Variants in GEN1 observed in about 807,000 individuals in gnomAD.
GEN1 encodes the protein GEN1 structure-specific endonuclease, also known as flap endonuclease GEN homolog 1.
Under a neutral mutation model 67.6 loss-of-function variants are expected in GEN1, and 64 were observed. The ratio of observed to expected loss-of-function variants is 0.95; its 90% CI spans 0.77 to 1.17. GEN1 has a LOEUF of 1.17. Among genes scored for constraint, GEN1 ranks in the 50% most tolerant of loss-of-function variants. The pLI is 0.00. For missense variants in GEN1, 1,058 were observed against 1,048.3 expected, an observed-to-expected ratio of 1.01 and a Z score of -0.13; for synonymous variants, 371 against 359.4, an observed-to-expected ratio of 1.03 and a Z score of -0.37.
chr2:17,779,867 G>T, intron 12 of GEN1, 111 bp from the exon 13 acceptor site: 1 of 759,208 alleles, frequency 1.3e-6, no homozygotes. Context: ...TGATCCGCCC[G>T]CCTTGGCCTC....
intron 1 of GEN1, among the ~76,000 whole-genome samples, chr2:17,758,974 C>G (rs1245431568): frequency 6.6e-6 from 1 of 152,178 alleles, no homozygotes; most frequent in Non-Finnish European, 1.5e-5. Flanking sequence ...TCTTTGCACC[C>G]ATGGGCAATT....
At position 17,785,826 on chromosome 2, in the gene GEN1, AG is replaced by A. The variant is rs1331352473; in HGVS notation, c.*3888del. 1 of 152,360 alleles carries A rather than the reference AG, an allele frequency of 6.6e-6. No homozygotes were observed. The highest frequency in any genetic ancestry group is 1.5e-5 in the Non-Finnish European group (1 of 68,132). 9.4% of individuals were successfully genotyped at this position (152,360 alleles called of 1,614,324 possible). A position where few individuals can be genotyped will look rare whatever the true frequency, so the allele number is the denominator to read the frequency against. ...GGAGAATCGCTTGAACCTGGGAGGCAGAGGTTGCAGTGAGCTGAGATAGTGC... is the reference window on the plus strand; with the variant it reads ...GGAGAATCGCTTGAACCTGGGAGGCAAGGTTGCAGTGAGCTGAGATAGTGC... On this transcript the variant is annotated 3_prime_UTR_variant, in exon 14 of 14. Transcript: ENST00000381254.
At chr2:17,775,559 A>G (rs1302581376) in intron 11 of GEN1, among the ~76,000 whole-genome samples, 3 of 152,224 alleles carry the variant, frequency 2.0e-5, no homozygotes, top group African/African-American at 7.2e-5. Context: ...GATAAAAGGA[A>G]TATTTTAAAA....
chr2:17,754,682 C>T (rs114598960), intron 1 of GEN1: 1 of 152,322 alleles, frequency 6.6e-6, no homozygotes, highest in Non-Finnish European at 1.5e-5. Context: ...CGGGAGAGCC[C>T]TCCCTGGTCC....
Position 17,768,645 on chromosome 2 carries a change from C to A in GEN1, c.637-93C>A, listed in dbSNP as rs1439469133. On this transcript the variant is annotated intron_variant, in intron 5 of 13. Coordinates refer to ENST00000381254, the MANE Select transcript of GEN1 (RefSeq NM_001130009.3). The stretch of plus-strand genomic sequence containing the variant: ...ATCTTTATTGAAGAGTTACCTCATT[C>A]TTTCAGCTGCTGACTCTTCCGTTCA... The A allele has an allele frequency of 4.5e-6, 4 of 894,294 alleles. No homozygotes were observed. The East Asian group carries it at 7.4e-5, about 17-fold the overall frequency. The allele number at this position is 894,294 out of a possible 1,614,324, so 55.4% of individuals were successfully genotyped here. A position where few individuals can be genotyped will look rare whatever the true frequency, so the allele number is the denominator to read the frequency against.
At chr2:17,768,864 T>C in intron 6 of GEN1, 53 bp downstream of exon 6, 1 of 1,142,952 alleles carries the variant, frequency 8.7e-7, no homozygotes, top group South Asian at 1.3e-5. Flanking sequence ...CTTGCTGAAC[T>C]TAATAACGAA....
At chr2:17,773,483 A>G (rs985352879) in intron 10 of GEN1, among the ~76,000 whole-genome samples, 184 bp downstream of exon 10, 3 of 152,108 alleles carry the variant, frequency 2.0e-5, no homozygotes, top group African/African-American at 7.2e-5. Context: ...ACTATAAGAC[A>G]AAGTATAGTT....
Position 17,766,587 on chromosome 2 carries a change from T to A in GEN1, c.534T>A (p.His178Gln), listed in dbSNP as rs769568929. 6 of 1,572,732 alleles carry A rather than the reference T, an allele frequency of 3.8e-6. No homozygotes were observed. The South Asian group carries it at 5.7e-5, about 15-fold the overall frequency. The change falls in exon 5 of 14, where the codon CAT (histidine) becomes CAA (glutamine). Residue 178 changes from histidine (H) to glutamine (Q), a missense_variant. Physicochemically the swap from His to Gln is conservative, Grantham distance 24 (BLOSUM62 0). Coordinates refer to ENST00000381254, the MANE Select transcript of GEN1 (RefSeq NM_001130009.3). ...RNFTMNTKDP[H>Q]VDCYTMSSIK... ...ATCTGTTCTTTCTTTAGGACCCACA[T>A]GTTGACTGTTACACAATGTCATCTA...
intron 1 of GEN1, among the ~76,000 whole-genome samples, chr2:17,758,570 G>A (rs1671530293): frequency 6.6e-6 from 1 of 152,198 alleles, no homozygotes; most frequent in African/African-American, 2.4e-5. Flanking sequence ...ATGTGAAATA[G>A]ACAATATTCT....
At position 17,772,804 on chromosome 2, in the gene GEN1, C is replaced by T. The variant is rs1343238164; in HGVS notation, c.953+20C>T. Reference sequence around the variant, plus strand: ...TAAGAAGTAAGTTTTTTTAAAAACTCATGATTTTTCCTGGCATGACCTATA... The same window carrying T: ...TAAGAAGTAAGTTTTTTTAAAAACTTATGATTTTTCCTGGCATGACCTATA... On this transcript the variant is annotated intron_variant, in intron 8 of 13. Transcript: ENST00000381254. 6.3e-6 allele frequency: 10 copies of T among 1,582,346 alleles called. No individual in the cohort carries two copies. Among genetic ancestry groups the T allele is most frequent in the South Asian group, 1.1e-5 (1 of 88,362 alleles).
chr2:17,779,118 T>C (rs1332125117), intron 12 of GEN1, among the ~76,000 whole-genome samples: 1 of 152,176 alleles, frequency 6.6e-6, no homozygotes, highest in Non-Finnish European at 1.5e-5. Flanking sequence ...AGATGGAGTT[T>C]CGTTATTTTG....
chr2:17,771,784 G>A (rs1413334559), intron 7 of GEN1, among the ~76,000 whole-genome samples: 4 of 104,108 alleles, frequency 3.8e-5, no homozygotes, highest in Admixed American at 2.4e-4. Flanking sequence ...CATTAGTCTT[G>A]GTTTAAAAAA....
Position 17,781,470 on chromosome 2 carries a change from C to A in GEN1, c.2258C>A (p.Ser753Tyr). The change falls in exon 14 of 14, where the codon TCT becomes TAT. Residue 753 changes from serine (S) to tyrosine (Y), a missense_variant. Ser to Tyr is a moderately radical substitution (Grantham distance 144). Transcript: ENST00000381254. The stretch of plus-strand genomic sequence containing the variant: ...CAAGAAGACTATAAAGTCAATACTT[C>A]TGTCCCTTATTCTGTCAGTAACACA... ...LLQEDYKVNTSVPYSVSNTVV... is the reference protein window; with the variant it reads ...LLQEDYKVNTYVPYSVSNTVV... 6.2e-7 allele frequency: 1 copy of A among 1,613,524 alleles called. No individual in the cohort carries two copies.
Position 17,760,099 on chromosome 2 carries a change from C to T in GEN1, c.156C>T (p.His52=). The change falls in exon 2 of 14, where the codon CAC becomes CAT. Residue 52 remains histidine, a synonymous_variant. Coordinates refer to ENST00000381254, the MANE Select transcript of GEN1 (RefSeq NM_001130009.3). ...KKMMGSVMKP[H]LRNLFFRISY... Reference sequence around the variant, plus strand: ...TGATGGGCAGCGTCATGAAGCCCCACCTCAGGTATAGTAAAAGCTCTTACA... The same window carrying T: ...TGATGGGCAGCGTCATGAAGCCCCATCTCAGGTATAGTAAAAGCTCTTACA... 1.2e-6 allele frequency: 2 copies of T among 1,613,796 alleles called. No homozygotes were observed. The highest frequency in any genetic ancestry group is 1.7e-6 in the Non-Finnish European group (2 of 1,179,850).
chr2:17,785,560 T>TG lies in GEN1; in HGVS notation c.*3621_*3622insG, dbSNP rs540627565. 6 of 147,020 alleles carry TG rather than the reference T, an allele frequency of 4.1e-5. No individual in the cohort carries two copies. The highest frequency in any genetic ancestry group is 1.5e-4 in the African/African-American group (6 of 39,958). The allele number at this position is 147,020 out of a possible 1,614,324, so 9.1% of individuals were successfully genotyped here. A position where few individuals can be genotyped will look rare whatever the true frequency, so the allele number is the denominator to read the frequency against. On this transcript the variant is annotated 3_prime_UTR_variant, in exon 14 of 14. Transcript: ENST00000381254. ...GCTTTGGGCTTTGTGTAATCAATCTTAAGTCCTTGGCGGTTTTTCTTTTAG... is the reference window on the plus strand; with the variant it reads ...GCTTTGGGCTTTGTGTAATCAATCTTGAAGTCCTTGGCGGTTTTTCTTTTAG...
intron 4 of GEN1, among the ~76,000 whole-genome samples, chr2:17,765,965 A>G (rs941363197): frequency 7.0e-6 from 1 of 142,258 alleles, no homozygotes; most frequent in Non-Finnish European, 1.5e-5. Context: ...ATATATATAT[A>G]TGTTACAGTG....
At chr2:17,770,960 TAC>T in intron 6 of GEN1, 3 of 511,330 alleles carry the variant, frequency 5.9e-6, no homozygotes, top group Admixed American at 2.9e-5. Flanking sequence ...GATATATAGA[TAC>T]ACACACACAT....
chr2:17,774,688 A>G (rs935199836), intron 11 of GEN1, among the ~76,000 whole-genome samples: 1 of 152,134 alleles, frequency 6.6e-6, no homozygotes, highest in African/African-American at 2.4e-5. Flanking sequence ...AAAGGAACAA[A>G]CGTGTTAAGG....
At chr2:17,768,161 A>G (rs934246163) in intron 5 of GEN1, among the ~76,000 whole-genome samples, 1 of 152,238 alleles carries the variant, frequency 6.6e-6, no homozygotes, top group African/African-American at 2.4e-5. Context: ...TCATACACTT[A>G]TAGGGGCTGG....
Sources: allele counts gnomAD v4.1 joint callset (sites outside exome capture counted in the v4.1 genomes callset), GRCh38; gene constraint gnomAD v4.1.1; transcripts MANE v1.5; gene names NCBI Gene and HGNC (gene_info 2026-07-23, HGNC 2026-07-21).